The following PRSS23 variants were observed in gnomAD, a reference collection of about 807,000 sequenced individuals.
The protein encoded by PRSS23 is serine protease 23.
A neutral mutation model predicts 34.7 loss-of-function variants in PRSS23; 25 were observed. The ratio of observed to expected loss-of-function variants is 0.72; its 90% confidence interval spans 0.53 to 1.01. The LOEUF (loss-of-function observed/expected upper bound fraction) is 1.01. Ranked by LOEUF, PRSS23 falls within the 50% of genes least tolerant of loss-of-function variation. The probability of loss-of-function intolerance (pLI) is 0.00; values close to 1 mark genes in which losing one functional copy is unlikely to be tolerated. For synonymous variants in PRSS23, 176 were observed against 186.6 expected, an observed-to-expected ratio of 0.94 and a Z score of 0.46; for missense variants, 445 against 475.6, an observed-to-expected ratio of 0.94 and a Z score of 0.60.
intron 2 of PRSS23, among the ~76,000 whole-genome samples, chr11:86,841,583 TA>T (rs1378353514): frequency 6.6e-6 from 1 of 151,854 alleles, no homozygotes. Flanking sequence ...ATAGACACAA[TA>T]AAAAATGATA....
chr11:86,837,967 A>C lies in PRSS23; in HGVS notation c.206+14374A>C, dbSNP rs529852154. On this transcript the variant is annotated intron_variant, in intron 2 of 2. Transcript: ENST00000533902. ...GTGAAGTGCACAGAGGGTGAACTGA[A>C]GTAGGGCAGGGTGTCACCTCACCTG... Among the ~76,000 whole-genome samples, 29 of 152,238 alleles carry C rather than the reference A, an allele frequency of 1.9e-4. No individual in the cohort carries two copies. The South Asian group carries it at 6.0e-3, about 32-fold the overall frequency.
At chr11:86,849,103 C>G (rs1256495520) in intron 2 of PRSS23, among the ~76,000 whole-genome samples, 1 of 152,206 alleles carries the variant, frequency 6.6e-6, no homozygotes, top group African/African-American at 2.4e-5. Flanking sequence ...TGCAATCACC[C>G]TCACAGAGCC....
chr11:86,844,027 A>G (rs1408545075), intron 2 of PRSS23, among the ~76,000 whole-genome samples: 2 of 152,238 alleles, frequency 1.3e-5, no homozygotes, highest in Admixed American at 6.5e-5. Flanking sequence ...ATGTCCATCA[A>G]TGATAGACTG....
chr11:86,928,566 T>C (rs1313615920), intron 2 of PRSS23, among the ~76,000 whole-genome samples: 3 of 145,690 alleles, frequency 2.1e-5, no homozygotes, highest in African/African-American at 7.5e-5. Flanking sequence ...TCCCAGCTAC[T>C]TGGGAGGCTG....
At chr11:86,852,433 C>T (rs1054907513) in intron 2 of PRSS23, among the ~76,000 whole-genome samples, 1 of 152,162 alleles carries the variant, frequency 6.6e-6, no homozygotes. Context: ...TCCATTGAAG[C>T]TTTGGGGCTC....
chr11:86,937,005 T>C (rs1949168636), intron 2 of PRSS23: 1 of 152,206 alleles, frequency 6.6e-6, no homozygotes, highest in Admixed American at 6.5e-5. Context: ...CAAGCCTCTT[T>C]TGAAATTGCA....
chr11:86,795,580 A>T (rs1947975712), upstream of PRSS23, among the ~76,000 whole-genome samples: 1 of 152,244 alleles, frequency 6.6e-6, no homozygotes, highest in Non-Finnish European at 1.5e-5. Context: ...AGACTGTAAC[A>T]GCAGGTTATC....
intron 2 of PRSS23, chr11:86,936,719 C>G (rs1197638055): frequency 6.6e-6 from 1 of 151,922 alleles, no homozygotes; most frequent in African/African-American, 2.4e-5. Flanking sequence ...GCCTGGGAAA[C>G]AGAGACCCCT....
chr11:86,847,095 G>C (rs1402868691), intron 2 of PRSS23, among the ~76,000 whole-genome samples: 1 of 152,172 alleles, frequency 6.6e-6, no homozygotes, highest in African/African-American at 2.4e-5. Flanking sequence ...ACAGGATACT[G>C]GTACCACCTT....
At chr11:86,842,341 C>T (rs940361162) in intron 2 of PRSS23, among the ~76,000 whole-genome samples, 11 of 152,060 alleles carry the variant, frequency 7.2e-5, no homozygotes, top group Admixed American at 4.6e-4. Context: ...GAATGGGCAA[C>T]AACTGGAAGC....
At chr11:86,910,633 A>T (rs1335730704) in intron 2 of PRSS23, 2 of 152,202 alleles carry the variant, frequency 1.3e-5, no homozygotes, top group Admixed American at 1.3e-4. Context: ...AAATAAAAAA[A>T]GCCTTCCTTG....
intron 2 of PRSS23, among the ~76,000 whole-genome samples, chr11:86,848,289 C>T (rs1223051390): frequency 1.3e-5 from 2 of 152,204 alleles, no homozygotes; most frequent in Non-Finnish European, 2.9e-5. Flanking sequence ...GCTTTAGCAG[C>T]AGCCCAGCAA....
At chr11:86,831,222 G>C (rs1452764954) in intron 2 of PRSS23, among the ~76,000 whole-genome samples, 1 of 151,990 alleles carries the variant, frequency 6.6e-6, no homozygotes, top group Non-Finnish European at 1.5e-5. Context: ...TATCCTAAGG[G>C]AATATTACTC....
chr11:86,939,417 TA>T lies in PRSS23; in HGVS notation c.207-11798del, dbSNP rs1423296761. Among the ~76,000 whole-genome samples the T allele has an allele frequency of 7.7e-5, 7 of 91,282 alleles. No homozygotes were observed. In the South Asian group the frequency reaches 2.3e-3, roughly 30 times the overall value. The allele number at this position is 91,282 out of a possible 152,430, so 59.9% of individuals were successfully genotyped here. On this transcript the variant is annotated intron_variant, in intron 2 of 2. Coordinates refer to the PRSS23 transcript ENST00000533902. ...TTAAAAAAAAAAATATATATATATA[TA>T]TATATATATTTTTTAACATGAGTAA...
chr11:86,951,482 G>T lies in PRSS23; in HGVS notation c.*197G>T, dbSNP rs965869392. 2.5e-6 allele frequency: 4 copies of T among 1,614,006 alleles called. No individual in the cohort carries two copies. In the Admixed American group the frequency reaches 6.7e-5, roughly 27 times the overall value. On this transcript the variant is annotated 3_prime_UTR_variant, in exon 3 of 3. Coordinates refer to the PRSS23 transcript ENST00000533902. ...CAGTCTTTCTAACTTGTCTGTCTTT[G>T]TCCCATCCTTTTGAAGATTTGACCG...
intron 2 of PRSS23, among the ~76,000 whole-genome samples, chr11:86,895,858 A>C (rs957344904): frequency 6.6e-5 from 10 of 152,160 alleles, no homozygotes; most frequent in African/African-American, 2.4e-4. Flanking sequence ...AGTCAAATTC[A>C]TGTCAATTAC....
chr11:86,835,373 C>T (rs951402443), intron 2 of PRSS23, among the ~76,000 whole-genome samples: 2 of 152,242 alleles, frequency 1.3e-5, no homozygotes, highest in Admixed American at 1.3e-4. Flanking sequence ...AAGCTCATCC[C>T]TTGGACCTGT....
chr11:86,818,498 G>T (rs148203085), intron 1 of PRSS23, among the ~76,000 whole-genome samples: 4 of 151,896 alleles, frequency 2.6e-5, no homozygotes, highest in African/African-American at 9.7e-5. Context: ...AAATCAACAC[G>T]TAACTTGAAA....
chr11:86,878,955 C>A (rs12363204), intron 2 of PRSS23, among the ~76,000 whole-genome samples: 4,522 of 42,522 alleles, frequency 0.11, 1 homozygote, highest in Middle Eastern at 0.12. Flanking sequence ...TCTGCCCGGC[C>A]GCCATCCCGT....
Sources: allele counts gnomAD v4.1 joint callset (sites outside exome capture counted in the v4.1 genomes callset), GRCh38; gene constraint gnomAD v4.1.1; transcripts MANE v1.5; gene names NCBI Gene and HGNC (gene_info 2026-07-23, HGNC 2026-07-21).